The following MEIS1 variants were observed in gnomAD, a reference collection of about 807,000 sequenced individuals.
MEIS1 encodes Meis homeobox 1, also known as homeobox protein Meis1.
MEIS1 carries 5 observed loss-of-function variants against 50.8 expected under a neutral mutation model. The observed-to-expected ratio is 0.10, with a 90% CI of 0.05 to 0.21. MEIS1 has a LOEUF of 0.21. MEIS1 is among the 10% of genes least tolerant of loss of function. The probability of loss-of-function intolerance (pLI) is 1.00; values close to 1 mark genes in which losing one functional copy is unlikely to be tolerated. For synonymous variants in MEIS1, 176 were observed against 179.3 expected (o/e 0.98, Z 0.15); for missense variants, 318 against 517.3 (o/e 0.61, Z 3.74).
chr2:66,448,610 G>T (rs941035109), intron 6 of MEIS1, among the ~76,000 whole-genome samples: 9 of 152,104 alleles, frequency 5.9e-5, no homozygotes, highest in African/African-American at 2.2e-4. Context: ...GTAATGTTAT[G>T]CTTTCCATTG....
intron 1 of MEIS1, among the ~76,000 whole-genome samples, 197 bp downstream of exon 1, chr2:66,436,065 A>C (rs1325654425): frequency 6.6e-6 from 1 of 152,110 alleles, no homozygotes; most frequent in Non-Finnish European, 1.5e-5. Flanking sequence ...TAATTAAAGG[A>C]ATCTATTTAT....
chr2:66,499,243 G>C (rs967523192), intron 7 of MEIS1, among the ~76,000 whole-genome samples: 3 of 152,056 alleles, frequency 2.0e-5, no homozygotes, highest in Non-Finnish European at 4.4e-5. Context: ...CTTCTTTCTT[G>C]CACATTTTTC....
intron 8 of MEIS1, among the ~76,000 whole-genome samples, chr2:66,513,115 C>T (rs1191488055): frequency 6.6e-6 from 1 of 151,834 alleles, no homozygotes; most frequent in Non-Finnish European, 1.5e-5. Flanking sequence ...GAAGAAGATA[C>T]AATGAAGATT....
At chr2:66,479,701 A>C (rs190910980) in intron 7 of MEIS1, among the ~76,000 whole-genome samples, 1 of 152,338 alleles carries the variant, frequency 6.6e-6, no homozygotes, top group East Asian at 1.9e-4. Flanking sequence ...AAATTGATCC[A>C]GTGAATATTT....
intron 3 of MEIS1, chr2:66,440,277 C>T (rs1381933047): frequency 1.2e-5 from 7 of 591,106 alleles, no homozygotes; most frequent in Non-Finnish European, 2.1e-5. Flanking sequence ...ATCAAGAACA[C>T]CACGGTTGTA....
chr2:66,554,684 A>G (rs1020952096), intron 9 of MEIS1, among the ~76,000 whole-genome samples: 4 of 152,216 alleles, frequency 2.6e-5, no homozygotes, highest in African/African-American at 9.6e-5. Context: ...TAGCTGTAAT[A>G]TTCTAGACTG....
At chr2:66,460,975 ACCTCT>A (rs1391370927) in intron 6 of MEIS1, among the ~76,000 whole-genome samples, 1 of 152,108 alleles carries the variant, frequency 6.6e-6, no homozygotes, top group Non-Finnish European at 1.5e-5. Context: ...TCAGGTTAAG[ACCTCT>A]TGTCTTACTG....
intron 8 of MEIS1, among the ~76,000 whole-genome samples, chr2:66,532,552 G>A (rs1258042262): frequency 7.2e-5 from 11 of 151,766 alleles, no homozygotes; most frequent in Non-Finnish European, 4.4e-5. Context: ...GGGCCCCTGA[G>A]AGCATCCATT....
intron 7 of MEIS1, among the ~76,000 whole-genome samples, chr2:66,481,924 G>A (rs958374135): frequency 2.7e-5 from 4 of 145,800 alleles, no homozygotes; most frequent in Admixed American, 7.1e-5. Flanking sequence ...GCGTGATCTC[G>A]GCTTACTGCA....
At chr2:66,508,375 G>GC (rs1387373848) in intron 7 of MEIS1, among the ~76,000 whole-genome samples, 1 of 152,134 alleles carries the variant, frequency 6.6e-6, no homozygotes, top group Non-Finnish European at 1.5e-5. Flanking sequence ...TCCGATAATC[G>GC]TATCAAAGCA....
At position 66,435,402 on chromosome 2, in the gene MEIS1, T is replaced by G; in HGVS notation, c.-455T>G. ...GCTTTGTGCATTTGAATATTAACAT[T>G]TGAGGTGTTCTGACCAGAAGAAGAC... On this transcript the variant is annotated 5_prime_UTR_variant, in exon 1 of 13. It adds an upstream start codon to the 5' untranslated region. Transcript: ENST00000272369. The G allele has an allele frequency of 4.3e-6, 1 of 234,452 alleles. No homozygotes were observed. Among genetic ancestry groups the G allele is most frequent in the Non-Finnish European group, 8.1e-6 (1 of 122,832 alleles). 14.5% of individuals were successfully genotyped at this position (234,452 alleles called of 1,614,324 possible). A position where few individuals can be genotyped will look rare whatever the true frequency, so the allele number is the denominator to read the frequency against.
At chr2:66,487,577 C>T (rs1190011483) in intron 7 of MEIS1, among the ~76,000 whole-genome samples, 5 of 152,150 alleles carry the variant, frequency 3.3e-5, no homozygotes, top group Admixed American at 6.5e-5. Context: ...AAGATCAGCT[C>T]GTGGTGATCA....
intron 7 of MEIS1, among the ~76,000 whole-genome samples, chr2:66,505,787 TG>T (rs1292197881): frequency 6.6e-6 from 1 of 152,258 alleles, no homozygotes; most frequent in Non-Finnish European, 1.5e-5. Flanking sequence ...TGAAAGGCTA[TG>T]GTAGACATCA....
At chr2:66,453,217 A>G (rs772728874) in intron 6 of MEIS1, among the ~76,000 whole-genome samples, 7 of 152,012 alleles carry the variant, frequency 4.6e-5, no homozygotes, top group Non-Finnish European at 7.4e-5. Context: ...GGAGAACAAA[A>G]CATTGACAAA....
chr2:66,562,065 T>TTTTTTTTTTTTTTC (rs1675229539), intron 9 of MEIS1: 1 of 122,610 alleles, frequency 8.2e-6, no homozygotes, highest in Non-Finnish European at 1.7e-5. Flanking sequence ...TTTTTTTTTT[T>TTTTTTTTTTTTTTC]TTTTTACTTT....
At chr2:66,453,923 T>C (rs1672331573) in intron 6 of MEIS1, among the ~76,000 whole-genome samples, 1 of 152,002 alleles carries the variant, frequency 6.6e-6, no homozygotes. Flanking sequence ...GACTAAACAG[T>C]TAAGTGTATT....
At chr2:66,564,356 A>C (rs1442149849) in intron 9 of MEIS1, among the ~76,000 whole-genome samples, 1 of 152,180 alleles carries the variant, frequency 6.6e-6, no homozygotes, top group Non-Finnish European at 1.5e-5. Flanking sequence ...CAGTTGGCTA[A>C]GAGGCTGTGG....
chr2:66,571,482 G>A lies in MEIS1; in HGVS notation c.*274G>A. The A allele has an allele frequency of 1.3e-6, 2 of 1,590,590 alleles. No individual in the cohort carries two copies. Among genetic ancestry groups the A allele is most frequent in the Non-Finnish European group, 1.7e-6 (2 of 1,168,802 alleles). On this transcript the variant is annotated 3_prime_UTR_variant, in exon 13 of 13. Transcript: ENST00000272369. ...ATCAAGCCCCACAGTTCTTAATACAGGAGACCCAACAATGAGTGGACAAGT... is the reference window on the plus strand; with the variant it reads ...ATCAAGCCCCACAGTTCTTAATACAAGAGACCCAACAATGAGTGGACAAGT...
At chr2:66,527,511 A>G (rs777940584) in intron 8 of MEIS1, among the ~76,000 whole-genome samples, 9 of 152,204 alleles carry the variant, frequency 5.9e-5, no homozygotes, top group South Asian at 4.2e-4. Context: ...ATGGTCAACC[A>G]GAGCTGGGGG....
Sources: allele counts gnomAD v4.1 joint callset (sites outside exome capture counted in the v4.1 genomes callset), GRCh38; gene constraint gnomAD v4.1.1; transcripts MANE v1.5; gene names NCBI Gene and HGNC (gene_info 2026-07-23, HGNC 2026-07-21).